The following UBTD1 variants were observed in gnomAD, a reference collection of about 807,000 sequenced individuals.
UBTD1 encodes ubiquitin domain containing 1, also known as ubiquitin domain-containing protein 1.
UBTD1 carries 19 observed loss-of-function variants against 21.7 expected under a neutral mutation model. The observed-to-expected ratio is 0.87, with a 90% CI of 0.61 to 1.28. UBTD1 has a LOEUF of 1.28. Among genes scored for constraint, UBTD1 ranks in the 50% most tolerant of loss-of-function variants. The pLI is 0.00. For synonymous variants in UBTD1, 116 were observed against 135.1 expected (o/e 0.86, Z 0.98); for missense variants, 282 against 315.1 (o/e 0.89, Z 0.80).
intron 1 of UBTD1, among the ~76,000 whole-genome samples, chr10:97,514,599 C>T (rs1370142822): frequency 3.3e-5 from 5 of 152,146 alleles, no homozygotes; most frequent in East Asian, 1.9e-4. Context: ...AGGGTCACCT[C>T]GGATTCAGCA....
At position 97,499,067 on chromosome 10, in the gene UBTD1, C is replaced by A; in HGVS notation, c.-137C>A. 1.0e-6 allele frequency: 1 copy of A among 990,228 alleles called. No individual in the cohort carries two copies. Among genetic ancestry groups the A allele is most frequent in the Non-Finnish European group, 1.4e-6 (1 of 700,234 alleles). The allele number at this position is 990,228 out of a possible 1,614,324, so 61.3% of individuals were successfully genotyped here. On this transcript the variant is annotated 5_prime_UTR_variant, in exon 1 of 3. It adds an upstream start codon to the 5' untranslated region. Coordinates refer to ENST00000370664, the MANE Select transcript of UBTD1 (RefSeq NM_024954.5). ...AGTTTTGGCGGAGCCATCGCTGGGG[C>A]TGAGCGCGCCCCCGGGGGGAGATCG...
intron 1 of UBTD1, among the ~76,000 whole-genome samples, chr10:97,504,477 A>G (rs2040390428): frequency 6.6e-6 from 1 of 152,154 alleles, no homozygotes; most frequent in Admixed American, 6.5e-5. Context: ...TCCTTGTCCC[A>G]GTCTCCTATT....
chr10:97,537,331 C>T (rs1168552808), intron 1 of UBTD1, among the ~76,000 whole-genome samples: 2 of 152,132 alleles, frequency 1.3e-5, no homozygotes, highest in Non-Finnish European at 2.9e-5. Flanking sequence ...AATTGGGTTA[C>T]CTTGGGGGTC....
intron 1 of UBTD1, among the ~76,000 whole-genome samples, chr10:97,565,899 A>G (rs1437341180): frequency 1.3e-5 from 2 of 151,896 alleles, no homozygotes; most frequent in Non-Finnish European, 2.9e-5. Flanking sequence ...TTTTTTGTAG[A>G]GACAGGTTTT....
intron 1 of UBTD1, among the ~76,000 whole-genome samples, chr10:97,550,552 G>GCGCCT (rs1173157708): frequency 6.6e-6 from 1 of 152,112 alleles, no homozygotes; most frequent in African/African-American, 2.4e-5. Context: ...CCTGCTCACG[G>GCGCCT]CGCCTCGGTC....
At chr10:97,551,063 A>T (rs764035997) in intron 1 of UBTD1, among the ~76,000 whole-genome samples, 1 of 152,212 alleles carries the variant, frequency 6.6e-6, no homozygotes, top group Non-Finnish European at 1.5e-5. Context: ...TAGGTTCTTA[A>T]GTCAGATCAA....
chr10:97,501,586 C>A (rs979349083), intron 1 of UBTD1, among the ~76,000 whole-genome samples: 2 of 152,026 alleles, frequency 1.3e-5, no homozygotes, highest in African/African-American at 4.8e-5. Context: ...GAGCGAGACT[C>A]TGTCTCAAAA....
intron 1 of UBTD1, among the ~76,000 whole-genome samples, chr10:97,538,988 G>A (rs987966371): frequency 2.0e-5 from 3 of 152,152 alleles, no homozygotes; most frequent in Admixed American, 1.3e-4. Flanking sequence ...GAAGACCTGC[G>A]CAGATCACAT....
chr10:97,561,809 G>A (rs1280020899), intron 1 of UBTD1, among the ~76,000 whole-genome samples: 1 of 152,108 alleles, frequency 6.6e-6, no homozygotes, highest in Admixed American at 6.5e-5. Context: ...CTTCCCTCAC[G>A]AGCATCATTT....
intron 1 of UBTD1, among the ~76,000 whole-genome samples, chr10:97,549,985 C>G (rs758658634): frequency 3.3e-5 from 5 of 152,250 alleles, no homozygotes; most frequent in Non-Finnish European, 7.3e-5. Context: ...CTTGTTCCCG[C>G]TGCCAGGTGG....
At position 97,499,008 on chromosome 10, in the gene UBTD1, A is replaced by G; in HGVS notation, c.-196A>G. 3.4e-6 allele frequency: 2 copies of G among 591,380 alleles called. No individual in the cohort carries two copies. Among genetic ancestry groups the G allele is most frequent in the Non-Finnish European group, 5.7e-6 (2 of 352,782 alleles). The allele number at this position is 591,380 out of a possible 1,614,324, so 36.6% of individuals were successfully genotyped here. On this transcript the variant is annotated 5_prime_UTR_variant, in exon 1 of 3. Transcript: ENST00000370664. ...CCGGCCACCTGGGACCGTGCTGGGG[A>G]GTCTGCCACTTCCCTCTCTCCCCTG...
intron 1 of UBTD1, among the ~76,000 whole-genome samples, chr10:97,534,579 G>GCGCACACACACACA (rs930248767): frequency 1.4e-5 from 2 of 145,360 alleles, no homozygotes; most frequent in Non-Finnish European, 3.0e-5. Flanking sequence ...ACGCGCGCGC[G>GCGCACACACACACA]CACACACACA....
chr10:97,502,887 G>GTATATATGTATATATATACGTA (rs1564733929), intron 1 of UBTD1, among the ~76,000 whole-genome samples: 4 of 144,268 alleles, frequency 2.8e-5, no homozygotes, highest in East Asian at 4.0e-4. Flanking sequence ...ATATATATAC[G>GTATATATGTATATATATACGTA]TATATATATG....
intron 1 of UBTD1, among the ~76,000 whole-genome samples, chr10:97,509,775 C>T (rs12219922): frequency 0.51 from 77,182 of 151,448 alleles, 21,321 homozygotes; most frequent in East Asian, 0.86. Flanking sequence ...CTCAGCCTCC[C>T]GAGTAGCTGG....
At chr10:97,558,640 AT>A (rs75506822) in intron 1 of UBTD1, among the ~76,000 whole-genome samples, 1,474 of 143,230 alleles carry the variant, frequency 0.01, 3 homozygotes, top group Non-Finnish European at 0.014. Flanking sequence ...GCCGACATGA[AT>A]TTTTTTTTTT....
At chr10:97,505,479 C>T (rs1407107245) in intron 1 of UBTD1, among the ~76,000 whole-genome samples, 7 of 152,150 alleles carry the variant, frequency 4.6e-5, no homozygotes, top group South Asian at 2.1e-4. Flanking sequence ...GTTGATCCCC[C>T]GTTTTAAAAA....
At chr10:97,569,765 G>A (rs1460914013) in intron 2 of UBTD1, among the ~76,000 whole-genome samples, 1 of 152,068 alleles carries the variant, frequency 6.6e-6, no homozygotes, top group East Asian at 1.9e-4. Flanking sequence ...AGTGGAGAGT[G>A]AGATAGTGCT....
intron 1 of UBTD1, among the ~76,000 whole-genome samples, chr10:97,501,618 A>G (rs2040376924): frequency 6.6e-6 from 1 of 152,128 alleles, no homozygotes; most frequent in African/African-American, 2.4e-5. Flanking sequence ...AACAGCAACA[A>G]CAACAACAAA....
chr10:97,520,575 T>A (rs1380485657), intron 1 of UBTD1, among the ~76,000 whole-genome samples: 6 of 152,120 alleles, frequency 3.9e-5, no homozygotes, highest in Non-Finnish European at 7.4e-5. Context: ...AAATGAATTA[T>A]TTTGGAATGG....
Sources: gnomAD v4.1 joint callset for allele counts (sites outside exome capture counted in the v4.1 genomes callset) on GRCh38, gnomAD v4.1.1 for gene constraint, MANE v1.5 for transcripts, NCBI Gene and HGNC (gene_info 2026-07-23, HGNC 2026-07-21) for gene names.